DYRK2: variants seen among roughly 807,000 people sequenced by gnomAD.
DYRK2 encodes the protein dual specificity tyrosine phosphorylation regulated kinase 2.
Under a neutral mutation model 41.6 loss-of-function variants are expected in DYRK2, and 12 were observed. The observed-to-expected ratio is 0.29, with a 90% CI of 0.18 to 0.47. DYRK2 has a LOEUF of 0.47. DYRK2 is among the 20% of genes least tolerant of loss of function. The pLI is 1.00. For missense variants in DYRK2, 678 were observed against 798.4 expected, an observed-to-expected ratio of 0.85 and a Z score of 1.82; for synonymous variants, 322 against 315.7, an observed-to-expected ratio of 1.02 and a Z score of -0.21.
chr12:67,651,210 TA>T (rs1472698246), intron 2 of DYRK2, among the ~76,000 whole-genome samples: 1 of 152,246 alleles, frequency 6.6e-6, no homozygotes, highest in Non-Finnish European at 1.5e-5. Context: ...GATGATTCTG[TA>T]TATTACTGTT....
chr12:67,649,214 C>A, intron 1 of DYRK2, 32 bp downstream of exon 1: 1 of 1,466,586 alleles, frequency 6.8e-7, no homozygotes, highest in East Asian at 3.0e-5. Context: ...GCCGCATCCC[C>A]GGACCCCCGC....
At position 67,648,819 on chromosome 12, in the gene DYRK2, T is replaced by G; in HGVS notation, c.-315T>G. ...CAGCGCTTCCAGCTCCCCGCGCCCCTATGTGAGGGAGACGGGGAGGCCCGC... is the reference window on the plus strand; with the variant it reads ...CAGCGCTTCCAGCTCCCCGCGCCCCGATGTGAGGGAGACGGGGAGGCCCGC... On this transcript the variant is annotated 5_prime_UTR_variant, in exon 1 of 3. Transcript: ENST00000344096. The G allele has an allele frequency of 5.6e-6, 1 of 179,140 alleles. No individual in the cohort carries two copies. The highest frequency in any genetic ancestry group is 1.1e-5 in the Non-Finnish European group (1 of 88,822). 11.1% of individuals were successfully genotyped at this position (179,140 alleles called of 1,614,324 possible).
chr12:67,654,368 A>G (rs1220975500), intron 2 of DYRK2, among the ~76,000 whole-genome samples: 4 of 152,196 alleles, frequency 2.6e-5, no homozygotes, highest in African/African-American at 7.2e-5. Flanking sequence ...AGCTATGGAA[A>G]TAGGTTACAG....
rs1872354853 is a variant in DYRK2 at position 67,652,702 on chromosome 12, C to T, written c.198+2757C>T. ...AATGAAAACTACCAAACTGGTTAGA[C>T]TATTGTTTTTATATAATATTTAATA... On this transcript the variant is annotated intron_variant, in intron 2 of 2. Transcript: ENST00000344096. 4 of 152,332 alleles carry T rather than the reference C, an allele frequency of 2.6e-5. No individual in the cohort carries two copies. In the South Asian group the frequency reaches 8.3e-4, roughly 32 times the overall value. 9.4% of individuals were successfully genotyped at this position (152,332 alleles called of 1,614,324 possible). A position where few individuals can be genotyped will look rare whatever the true frequency, so the allele number is the denominator to read the frequency against.
chr12:67,657,697 G>A lies in DYRK2; in HGVS notation c.790G>A (p.Ala264Thr). The change falls in exon 3 of 3, where the codon GCG (alanine) becomes ACG (threonine). Residue 264 changes from alanine to threonine, a missense_variant. Ala to Thr is a moderately conservative substitution (Grantham distance 58, BLOSUM62 0). Coordinates refer to ENST00000344096, the MANE Select transcript of DYRK2 (RefSeq NM_006482.3). This position sits in a 1 kb window ranked among gnomAD's most constrained non-coding sequence, Gnocchi z 4.8. ...RNEKRFHRQA[A>T]EEIRILEHLR... is the part of the protein sequence containing the mutation. ...TGAGAAGCGCTTCCACCGGCAAGCA[G>A]CGGAGGAGATCCGAATCCTGGAACA... The A allele has an allele frequency of 6.2e-7, 1 of 1,614,150 alleles. No homozygotes were observed. The highest frequency in any genetic ancestry group is 8.5e-7 in the Non-Finnish European group (1 of 1,180,006).
rs747079356 is a variant in DYRK2 at position 67,649,156 on chromosome 12, C to A, written c.23C>A (p.Ala8Asp). The change falls in exon 1 of 3, where the codon GCC (alanine) becomes GAC (aspartate). Residue 8 changes from alanine (A) to aspartate (D), a missense_variant. By Grantham distance (126) the Ala-to-Asp change is moderately radical (BLOSUM62 -2). Around this residue, in one of 2 missense-constraint regions of DYRK2, gnomAD observed 285 missense variants for 279.2 expected, o/e 1.02. Coordinates refer to ENST00000344096, the MANE Select transcript of DYRK2 (RefSeq NM_006482.3). Reference sequence around the variant, plus strand: ...GCCATGTTAACCAGGAAACCTTCGGCCGCCGCTCCCGCCGCCTACCCGACC... The same window carrying A: ...GCCATGTTAACCAGGAAACCTTCGGACGCCGCTCCCGCCGCCTACCCGACC... MLTRKPS[A>D]AAPAAYPTGR... 1 of 1,513,394 alleles carries A rather than the reference C, an allele frequency of 6.6e-7. No individual in the cohort carries two copies. The highest frequency in any genetic ancestry group is 1.2e-5 in the South Asian group (1 of 81,780). 93.7% of individuals were successfully genotyped at this position (1,513,394 alleles called of 1,614,324 possible).
chr12:67,655,311 T>C (rs918845183), intron 2 of DYRK2, among the ~76,000 whole-genome samples: 2 of 152,156 alleles, frequency 1.3e-5, no homozygotes, highest in Non-Finnish European at 2.9e-5. Flanking sequence ...AATGATTCTA[T>C]AGGAGAGAGA....
intron 2 of DYRK2, among the ~76,000 whole-genome samples, chr12:67,654,945 C>A (rs1872423831): frequency 6.6e-6 from 1 of 152,020 alleles, no homozygotes. Flanking sequence ...GAGTAAGAAG[C>A]CAAGAGAATC....
chr12:67,649,120 C>A lies in DYRK2; in HGVS notation c.-14C>A. ...CGACGGCAGCCCTGAAATGCATTTTCCTCTCCAGCGGCCATGTTAACCAGG... is the reference window on the plus strand; with the variant it reads ...CGACGGCAGCCCTGAAATGCATTTTACTCTCCAGCGGCCATGTTAACCAGG... On this transcript the variant is annotated 5_prime_UTR_variant, in exon 1 of 3. Transcript: ENST00000344096. The A allele has an allele frequency of 6.6e-7, 1 of 1,508,066 alleles. No individual in the cohort carries two copies. The highest frequency in any genetic ancestry group is 8.9e-7 in the Non-Finnish European group (1 of 1,124,994). The allele number at this position is 1,508,066 out of a possible 1,614,324, so 93.4% of individuals were successfully genotyped here.
At chr12:67,653,785 A>G (rs1872392181) in intron 2 of DYRK2, among the ~76,000 whole-genome samples, 1 of 152,216 alleles carries the variant, frequency 6.6e-6, no homozygotes. Context: ...GGCTTACTAT[A>G]TGCCTGGGTT....
rs1872566869 is a variant in DYRK2, at chr12:67,659,364, A to G, written c.*651A>G. The stretch of plus-strand genomic sequence containing the variant: ...AGCAGCTTTTAGTGGATAAATGGGA[A>G]TGGAAACGTGTGTGTTCCTCCAAAT... On this transcript the variant is annotated 3_prime_UTR_variant, in exon 3 of 3. Coordinates refer to ENST00000344096, the MANE Select transcript of DYRK2 (RefSeq NM_006482.3). The G allele has an allele frequency of 6.0e-6, 1 of 167,144 alleles. No individual in the cohort carries two copies. The highest frequency in any genetic ancestry group is 2.4e-5 in the African/African-American group (1 of 41,466). The allele number at this position is 167,144 out of a possible 1,614,324, so 10.4% of individuals were successfully genotyped here. A position where few individuals can be genotyped will look rare whatever the true frequency, so the allele number is the denominator to read the frequency against.
Position 67,658,866 on chromosome 12 carries a change from C to G in DYRK2, c.*153C>G. 4 of 909,058 alleles carry G rather than the reference C, an allele frequency of 4.4e-6. No individual in the cohort carries two copies. The highest frequency in any genetic ancestry group is 6.3e-6 in the Non-Finnish European group (4 of 632,762). 56.3% of individuals were successfully genotyped at this position (909,058 alleles called of 1,614,324 possible). On this transcript the variant is annotated 3_prime_UTR_variant, in exon 3 of 3. Coordinates refer to ENST00000344096, the MANE Select transcript of DYRK2 (RefSeq NM_006482.3). This position sits in a 1 kb window ranked among gnomAD's most constrained non-coding sequence, Gnocchi z 4.3. The stretch of plus-strand genomic sequence containing the variant: ...TTAATTTTAATGTAAGAAAGTTGTT[C>G]ATTTTGTTTTTATAAAATACATGAG...
rs1872633306 is a variant in DYRK2 at position 67,661,916 on chromosome 12, T to A, written c.*3203T>A. On this transcript the variant is annotated 3_prime_UTR_variant, in exon 3 of 3. Coordinates refer to ENST00000344096, the MANE Select transcript of DYRK2 (RefSeq NM_006482.3). ...GGCATTTGGTATGAACCAAAGTGCA[T>A]TCCTTTTATATGTGCCTGGCTCTAG... The A allele has an allele frequency of 6.0e-6, 1 of 166,870 alleles. No individual in the cohort carries two copies. Among genetic ancestry groups the A allele is most frequent in the South Asian group, 2.1e-4 (1 of 4,828 alleles). The allele number at this position is 166,870 out of a possible 1,614,324, so 10.3% of individuals were successfully genotyped here. A position where few individuals can be genotyped will look rare whatever the true frequency, so the allele number is the denominator to read the frequency against.
At position 67,657,260 on chromosome 12, in the gene DYRK2, G is replaced by C; in HGVS notation, c.353G>C (p.Gly118Ala). 1 of 1,614,046 alleles carries C rather than the reference G, an allele frequency of 6.2e-7. No homozygotes were observed. Among genetic ancestry groups the C allele is most frequent in the Non-Finnish European group, 8.5e-7 (1 of 1,180,020 alleles). ...PNGLTTVGKT[G>A]LPVVPERQLD... ...GGGCTTACAACAGTGGGCAAAACGG[G>C]CTTGCCAGTGGTGCCAGAGCGGCAG... The change falls in exon 3 of 3, where the codon GGC (glycine) becomes GCC (alanine). Residue 118 changes from glycine to alanine, a missense_variant. By Grantham distance (60) the Gly-to-Ala change is moderately conservative. Transcript: ENST00000344096. The surrounding 1 kb of genome is among the most constrained non-coding windows in gnomAD (Gnocchi z 4.8).
intron 2 of DYRK2, chr12:67,652,744 T>G (rs1465552777): frequency 2.0e-5 from 3 of 152,232 alleles, no homozygotes; most frequent in Non-Finnish European, 2.9e-5. Context: ...TACTTGATGA[T>G]CAAAGAAGCC....
intron 2 of DYRK2, chr12:67,651,502 C>T (rs1293356280): frequency 2.2e-6 from 1 of 444,706 alleles, no homozygotes; most frequent in South Asian, 1.6e-5. Flanking sequence ...GGAGGGAGAG[C>T]CTGTGGTGCA....
chr12:67,658,500 G>A lies in DYRK2; in HGVS notation c.1593G>A (p.Arg531=), dbSNP rs147432605. Reference sequence around the variant, plus strand: ...GCATGACCCCAGGCCAGGCTTTGCGGCACCCCTGGCTGAGGAGGCGGTTGC... The same window carrying A: ...GCATGACCCCAGGCCAGGCTTTGCGACACCCCTGGCTGAGGAGGCGGTTGC... ...AVRMTPGQAL[R]HPWLRRRLPK... Residue 531 remains arginine, a synonymous_variant, in exon 3 of 3, where the codon CGG becomes CGA. Transcript: ENST00000344096. The surrounding 1 kb of genome is among the most constrained non-coding windows in gnomAD (Gnocchi z 4.3). 18 of 1,610,520 alleles carry A rather than the reference G, an allele frequency of 1.1e-5. No individual in the cohort carries two copies. In the African/African-American group the frequency reaches 2.3e-4, roughly 20 times the overall value.
rs749358396 is a variant in DYRK2 at position 67,660,941 on chromosome 12, T to G, written c.*2228T>G. The G allele has an allele frequency of 6.0e-6, 1 of 167,078 alleles. No individual in the cohort carries two copies. Among genetic ancestry groups the G allele is most frequent in the Non-Finnish European group, 1.5e-5 (1 of 68,114 alleles). 10.3% of individuals were successfully genotyped at this position (167,078 alleles called of 1,614,324 possible). Reference sequence around the variant, plus strand: ...AATTTCCCTATAAAATGACGATACATGTGAACATTTATAAATGGACTAATA... The same window carrying G: ...AATTTCCCTATAAAATGACGATACAGGTGAACATTTATAAATGGACTAATA... On this transcript the variant is annotated 3_prime_UTR_variant, in exon 3 of 3. Coordinates refer to ENST00000344096, the MANE Select transcript of DYRK2 (RefSeq NM_006482.3).
intron 1 of DYRK2, 23 bp from the exon 2 acceptor site, chr12:67,649,774 C>T (rs910310567): frequency 2.4e-5 from 31 of 1,312,838 alleles, no homozygotes; most frequent in Non-Finnish European, 2.7e-5. Flanking sequence ...CCTCTTTTGT[C>T]TCCTCCCGCA....
Sources: allele counts gnomAD v4.1 joint callset (sites outside exome capture counted in the v4.1 genomes callset), GRCh38; gene constraint gnomAD v4.1.1; regional missense constraint gnomAD v4.1.1; non-coding constraint Gnocchi (gnomAD v3.1); transcripts MANE v1.5; gene names NCBI Gene and HGNC (gene_info 2026-07-23, HGNC 2026-07-21).